PSD3: variants seen among roughly 807,000 people sequenced by gnomAD.
The protein encoded by PSD3 is PH and SEC7 domain-containing protein 3.
In PSD3, 49 loss-of-function variants were observed where a neutral mutation model predicts 105.5. That is an observed-to-expected ratio of 0.46 (90% CI 0.37 to 0.59). The LOEUF (loss-of-function observed/expected upper bound fraction) is 0.59, where lower values mean the gene tolerates loss of function less well. Ranked by LOEUF, PSD3 falls within the 20% of genes least tolerant of loss-of-function variation. PSD3 has a pLI of 0.00. For missense variants in PSD3, 1,561 were observed against 1,263.8 expected, an observed-to-expected ratio of 1.24 and a Z score of -3.57; for synonymous variants, 557 against 457.8, an observed-to-expected ratio of 1.22 and a Z score of -2.77.
intron 15 of PSD3, among the ~76,000 whole-genome samples, chr8:18,541,547 C>T (rs746796304): frequency 2.8e-4 from 43 of 152,060 alleles, no homozygotes; most frequent in Non-Finnish European, 5.6e-4. Context: ...GCTCATAAGC[C>T]ACCACATGAC....
chr8:18,817,664 CTG>C, intron 4 of PSD3, among the ~76,000 whole-genome samples: 1 of 152,316 alleles, frequency 6.6e-6, no homozygotes, highest in Non-Finnish European at 1.5e-5. Context: ...TTTCATGAAT[CTG>C]TATACAAAGC....
intron 9 of PSD3, among the ~76,000 whole-genome samples, chr8:18,737,231 C>T (rs561831381): frequency 3.6e-4 from 55 of 152,284 alleles, no homozygotes; most frequent in African/African-American, 6.0e-4. Context: ...CTGAGAAACA[C>T]TGCATTAGTT....
chr8:19,034,448 T>C (rs543529184), intron 1 of PSD3, among the ~76,000 whole-genome samples: 1 of 152,332 alleles, frequency 6.6e-6, no homozygotes, highest in East Asian at 1.9e-4. Flanking sequence ...TCATCCAGTT[T>C]CTGCTTCATT....
intron 9 of PSD3, among the ~76,000 whole-genome samples, chr8:18,657,882 C>G (rs1809020129): frequency 6.6e-6 from 1 of 152,128 alleles, no homozygotes; most frequent in East Asian, 1.9e-4. Context: ...AAAATCTGTT[C>G]ATAAAGGTAG....
At chr8:18,798,960 T>G (rs537064065) in intron 8 of PSD3, among the ~76,000 whole-genome samples, 2 of 152,156 alleles carry the variant, frequency 1.3e-5, no homozygotes, top group South Asian at 2.1e-4. Context: ...TAATTTGTAT[T>G]CTCTCCATCA....
At chr8:18,635,913 G>C (rs1198581005) in intron 10 of PSD3, among the ~76,000 whole-genome samples, 1 of 151,890 alleles carries the variant, frequency 6.6e-6, no homozygotes, top group Admixed American at 6.6e-5. Flanking sequence ...GGGGAGGGAG[G>C]AGAGCATTAG....
At chr8:18,767,596 A>G (rs376808034) in intron 8 of PSD3, among the ~76,000 whole-genome samples, 52 of 152,058 alleles carry the variant, frequency 3.4e-4, no homozygotes, top group African/African-American at 1.2e-3. Context: ...AAAATACATA[A>G]ATTAGCCGGG....
chr8:18,817,638 T>C (rs941081292), intron 4 of PSD3, among the ~76,000 whole-genome samples: 3 of 152,196 alleles, frequency 2.0e-5, no homozygotes, highest in Non-Finnish European at 2.9e-5. Context: ...CCAAAAGCAG[T>C]AATTCAAATG....
At chr8:18,636,348 T>C (rs1807255391) in intron 10 of PSD3, among the ~76,000 whole-genome samples, 1 of 152,218 alleles carries the variant, frequency 6.6e-6, no homozygotes, top group Admixed American at 6.5e-5. Context: ...AATAAGGATA[T>C]AATGTTTTTG....
intron 9 of PSD3, among the ~76,000 whole-genome samples, chr8:18,692,429 A>T (rs1444181086): frequency 6.6e-6 from 1 of 152,192 alleles, no homozygotes; most frequent in African/African-American, 2.4e-5. Flanking sequence ...TTCCCTGAGG[A>T]CTTTAGAAAA....
chr8:18,950,629 ATT>A (rs1416781853), intron 1 of PSD3, among the ~76,000 whole-genome samples: 1 of 152,150 alleles, frequency 6.6e-6, no homozygotes, highest in East Asian at 1.9e-4. Context: ...AACATGCAGT[ATT>A]TGCCCTTTTA....
chr8:19,061,741 G>A (rs1445021774), intron 1 of PSD3, among the ~76,000 whole-genome samples: 2 of 151,418 alleles, frequency 1.3e-5, no homozygotes, highest in African/African-American at 4.9e-5. Flanking sequence ...GGAGGCGGAG[G>A]TTGCAATGAG....
chr8:18,787,007 G>C lies in PSD3; in HGVS notation c.2082+12288C>G, dbSNP rs535115110. Among the ~76,000 whole-genome samples, 222 of 152,256 alleles carry C rather than the reference G, an allele frequency of 1.5e-3. 1 individual carries two copies. Among genetic ancestry groups the C allele is most frequent in the African/African-American group, 5.2e-3 (218 of 41,544 alleles). ...TCAAGAAATACTCCTCACGATGTCT[G>C]GATTTTTTTCTCCTTGTCATGTACC... On this transcript the variant is annotated intron_variant, in intron 8 of 15. Coordinates refer to ENST00000327040, the MANE Select transcript of PSD3 (RefSeq NM_015310.4).
At chr8:18,960,775 C>A (rs1266598727) in intron 1 of PSD3, among the ~76,000 whole-genome samples, 2 of 152,010 alleles carry the variant, frequency 1.3e-5, no homozygotes, top group Admixed American at 6.6e-5. Flanking sequence ...TTATTTAATT[C>A]TGAGGGGGTA....
At chr8:18,633,672 C>T (rs1807056169) in intron 10 of PSD3, among the ~76,000 whole-genome samples, 2 of 152,056 alleles carry the variant, frequency 1.3e-5, no homozygotes, top group Non-Finnish European at 2.9e-5. Context: ...TGAAGGGCAT[C>T]TAGGTTAATT....
chr8:18,750,564 C>T (rs935006701), intron 9 of PSD3, among the ~76,000 whole-genome samples: 3 of 152,080 alleles, frequency 2.0e-5, no homozygotes, highest in African/African-American at 4.8e-5. Flanking sequence ...AAACCTTCCA[C>T]AGTGTGGAAG....
intron 9 of PSD3, among the ~76,000 whole-genome samples, chr8:18,743,764 C>G (rs145188501): frequency 0.011 from 1,363 of 127,764 alleles, 21 homozygotes; most frequent in African/African-American, 0.038. Context: ...CAGAAAGACC[C>G]TGTCTCTATT....
intron 11 of PSD3, among the ~76,000 whole-genome samples, chr8:18,602,793 T>A (rs1487715434): frequency 6.6e-6 from 1 of 152,112 alleles, no homozygotes; most frequent in East Asian, 1.9e-4. Flanking sequence ...ACACATACAG[T>A]GCCGCTGTTG....
intron 12 of PSD3, among the ~76,000 whole-genome samples, chr8:18,591,107 G>A (rs570749163): frequency 6.6e-6 from 1 of 152,248 alleles, no homozygotes; most frequent in South Asian, 2.1e-4. Flanking sequence ...AAAATCCAGT[G>A]AAGAGGTTGT....
Sources: gnomAD v4.1 joint callset for allele counts (sites outside exome capture counted in the v4.1 genomes callset) on GRCh38, gnomAD v4.1.1 for gene constraint, MANE v1.5 for transcripts, NCBI Gene and HGNC (gene_info 2026-07-23, HGNC 2026-07-21) for gene names.